The following NCKAP5 variants were observed in gnomAD, a reference collection of about 807,000 sequenced individuals.
NCKAP5 encodes the protein nck-associated protein 5.
Under a neutral mutation model 167.0 loss-of-function variants are expected in NCKAP5, and 92 were observed. The ratio of observed to expected loss-of-function variants is 0.55; its 90% CI spans 0.47 to 0.66. NCKAP5 has a LOEUF of 0.66. Ranked by LOEUF, NCKAP5 falls within the 30% of genes least tolerant of loss-of-function variation. The pLI is 0.00. For synonymous variants in NCKAP5, 891 were observed against 877.4 expected, an observed-to-expected ratio of 1.02 and a Z score of -0.27; for missense variants, 2,378 against 2,315.0, an observed-to-expected ratio of 1.03 and a Z score of -0.56.
chr2:132,760,408 T>G (rs903306898), intron 16 of NCKAP5, among the ~76,000 whole-genome samples: 1 of 152,206 alleles, frequency 6.6e-6, no homozygotes, highest in Non-Finnish European at 1.5e-5. Context: ...AATTATATCT[T>G]CAAGCACACT....
At chr2:133,066,277 C>A (rs1014296797) in intron 6 of NCKAP5, among the ~76,000 whole-genome samples, 17 of 152,176 alleles carry the variant, frequency 1.1e-4, no homozygotes, top group African/African-American at 3.1e-4. Flanking sequence ...ATTGAGCCAG[C>A]CTTGTCATCA....
chr2:133,103,900 G>A (rs1398296731), intron 6 of NCKAP5, among the ~76,000 whole-genome samples: 3 of 152,030 alleles, frequency 2.0e-5, no homozygotes, highest in Admixed American at 6.6e-5. Context: ...AACCAAATGA[G>A]CACTAAAAAG....
intron 4 of NCKAP5, among the ~76,000 whole-genome samples, chr2:133,244,321 A>T (rs1021339606): frequency 2.0e-5 from 3 of 152,332 alleles, no homozygotes; most frequent in Non-Finnish European, 4.4e-5. Context: ...AGATTTGCAA[A>T]TGCAAAATAC....
At chr2:132,987,081 T>G (rs1383755276) in intron 7 of NCKAP5, among the ~76,000 whole-genome samples, 1 of 152,200 alleles carries the variant, frequency 6.6e-6, no homozygotes, top group Non-Finnish European at 1.5e-5. Context: ...ATAAACTGCA[T>G]GCTTTTTGCC....
Position 132,783,063 on chromosome 2 carries a change from A to G in NCKAP5, c.3748T>C (p.Ser1250Pro). 6.2e-7 allele frequency: 1 copy of G among 1,613,602 alleles called. No individual in the cohort carries two copies. Among genetic ancestry groups the G allele is most frequent in the Non-Finnish European group, 8.5e-7 (1 of 1,179,798 alleles). Residue 1250 changes from serine to proline, a missense_variant, in exon 14 of 20, where the codon TCC becomes CCC. Transcript: ENST00000409261. ...CTGGAGGAAAGGGATCTTCTCATGG[A>G]TCTATTATCTACCCCATCCCTTCCA... ...SDGRDGVDNR[S>P]MRRSLSSSKP...
intron 3 of NCKAP5, among the ~76,000 whole-genome samples, chr2:133,465,743 A>T (rs1692532125): frequency 6.6e-6 from 1 of 151,808 alleles, no homozygotes; most frequent in African/African-American, 2.4e-5. Context: ...TTTGATTTGC[A>T]TTTCTCTGAT....
At chr2:133,610,924 C>T in the NCKAP5 span, among the ~76,000 whole-genome samples, 95,583 of 151,910 alleles carry the variant, frequency 0.63, 31,189 homozygotes, top group Middle Eastern at 0.78. Flanking sequence ...TTTATAAAAA[C>T]ACAACTTATA....
chr2:132,742,002 T>C (rs1012831817), intron 16 of NCKAP5, among the ~76,000 whole-genome samples: 1 of 152,058 alleles, frequency 6.6e-6, no homozygotes, highest in Non-Finnish European at 1.5e-5. Context: ...CCAGATCACA[T>C]ACCCAAATTA....
At chr2:132,933,170 C>T (rs1696570549) in intron 8 of NCKAP5, among the ~76,000 whole-genome samples, 1 of 152,062 alleles carries the variant, frequency 6.6e-6, no homozygotes, top group South Asian at 2.1e-4. Context: ...CATGATCTGC[C>T]CGCTGCGGCC....
chr2:133,087,202 A>G (rs1185027971), intron 6 of NCKAP5, among the ~76,000 whole-genome samples: 6 of 152,152 alleles, frequency 3.9e-5, no homozygotes. Flanking sequence ...TTTCTCACCT[A>G]TTTACTTGCA....
At chr2:132,691,845 C>T (rs993963276) in intron 19 of NCKAP5, among the ~76,000 whole-genome samples, 7 of 152,164 alleles carry the variant, frequency 4.6e-5, no homozygotes, top group South Asian at 2.1e-4. Context: ...ATTCCAAGCC[C>T]GTGATAAGTT....
chr2:132,795,599 T>C (rs1027046607), intron 12 of NCKAP5, among the ~76,000 whole-genome samples: 1 of 152,028 alleles, frequency 6.6e-6, no homozygotes. Flanking sequence ...GGCAGGCAGA[T>C]CACAAGGTCA....
At chr2:133,097,273 T>C (rs2081372188) in intron 6 of NCKAP5, among the ~76,000 whole-genome samples, 1 of 152,182 alleles carries the variant, frequency 6.6e-6, no homozygotes. Flanking sequence ...TTCTGGATGC[T>C]AAAGTGAGAG....
intron 6 of NCKAP5, among the ~76,000 whole-genome samples, chr2:133,060,843 G>A (rs2079973424): frequency 6.6e-6 from 1 of 151,996 alleles, no homozygotes; most frequent in Admixed American, 6.6e-5. Flanking sequence ...TAATTTTTTT[G>A]TGACATGCTC....
intron 8 of NCKAP5, among the ~76,000 whole-genome samples, chr2:132,941,997 C>T (rs1303455948): frequency 6.6e-6 from 1 of 152,114 alleles, no homozygotes. Context: ...GCAATTACAA[C>T]TATTTGTTTT....
At chr2:132,780,361 A>G (rs1034506000) in intron 15 of NCKAP5, among the ~76,000 whole-genome samples, 5 of 152,134 alleles carry the variant, frequency 3.3e-5, no homozygotes, top group African/African-American at 4.8e-5. Flanking sequence ...CGTGTTAGCC[A>G]GGATGGTCTC....
At chr2:133,009,079 A>T (rs1285829552) in intron 6 of NCKAP5, among the ~76,000 whole-genome samples, 1 of 152,190 alleles carries the variant, frequency 6.6e-6, no homozygotes, top group Non-Finnish European at 1.5e-5. Flanking sequence ...GCAGGAAGAC[A>T]CTGAGGACTC....
chr2:133,541,724 T>C (rs1232929506), intron 2 of NCKAP5, among the ~76,000 whole-genome samples: 1 of 152,066 alleles, frequency 6.6e-6, no homozygotes, highest in African/African-American at 2.4e-5. Flanking sequence ...AAAATTAGTG[T>C]TAACATTGGG....
intron 3 of NCKAP5, among the ~76,000 whole-genome samples, chr2:133,436,881 C>T (rs968319494): frequency 4.3e-4 from 66 of 152,076 alleles, no homozygotes; most frequent in African/African-American, 1.6e-3. Context: ...CTGCTGTCTC[C>T]TTTAATTATT....
Sources: gnomAD v4.1 joint callset for allele counts (sites outside exome capture counted in the v4.1 genomes callset) on GRCh38, gnomAD v4.1.1 for gene constraint, MANE v1.5 for transcripts, NCBI Gene and HGNC (gene_info 2026-07-23, HGNC 2026-07-21) for gene names.